AKR1C4: variants seen among roughly 807,000 people sequenced by gnomAD.
AKR1C4 encodes 3-alpha-HSD1.
Under a neutral mutation model 41.0 loss-of-function variants are expected in AKR1C4, and 44 were observed. The observed-to-expected ratio is 1.07, with a 90% confidence interval of 0.84 to 1.38. AKR1C4 has a LOEUF of 1.38. Ranked by LOEUF, AKR1C4 falls within the 40% of genes most tolerant of loss-of-function variation. The probability of loss-of-function intolerance (pLI) is 0.00; values close to 1 mark genes in which losing one functional copy is unlikely to be tolerated. For missense variants in AKR1C4, 438 were observed against 387.9 expected, an observed-to-expected ratio of 1.13 and a Z score of -1.09; for synonymous variants, 165 against 137.7, an observed-to-expected ratio of 1.20 and a Z score of -1.39.
chr10:5,218,907 A>G lies in AKR1C4; in HGVS notation c.*147A>G, dbSNP rs1225674634. The G allele has an allele frequency of 1.7e-6, 1 of 591,810 alleles. No homozygotes were observed. Among genetic ancestry groups the G allele is most frequent in the African/African-American group, 1.9e-5 (1 of 53,202 alleles). The allele number at this position is 591,810 out of a possible 1,614,324, so 36.7% of individuals were successfully genotyped here. A position where few individuals can be genotyped will look rare whatever the true frequency, so the allele number is the denominator to read the frequency against. On this transcript the variant is annotated 3_prime_UTR_variant, in exon 9 of 9. Coordinates refer to ENST00000263126, the MANE Select transcript of AKR1C4 (RefSeq NM_001818.5). ...CAACTTCAGCTAGCTAGATATATCC[A>G]TGGTCCAGAAAGCAAACATAATAAA... is the stretch of plus-strand genomic sequence containing the variant.
At chr10:5,207,532 G>T (rs1479989996) in intron 5 of AKR1C4, 13 of 528,276 alleles carry the variant, frequency 2.5e-5, no homozygotes, top group Non-Finnish European at 4.2e-5. Flanking sequence ...AGAAAATAAA[G>T]ATGTCCCTGT....
At chr10:5,197,902 G>A (rs1832335929) in intron 1 of AKR1C4, among the ~76,000 whole-genome samples, 1 of 152,186 alleles carries the variant, frequency 6.6e-6, no homozygotes, top group African/African-American at 2.4e-5. Flanking sequence ...TTGAGTGCCT[G>A]CACAGCAAAC....
chr10:5,206,700 G>A (rs782066517), intron 5 of AKR1C4, among the ~76,000 whole-genome samples: 1 of 123,084 alleles, frequency 8.1e-6, no homozygotes, highest in African/African-American at 3.7e-5. Flanking sequence ...TATCTCTAAG[G>A]TATGAAAGAC....
intron 5 of AKR1C4, among the ~76,000 whole-genome samples, chr10:5,210,265 T>C (rs1344510825): frequency 1.3e-5 from 2 of 152,222 alleles, no homozygotes; most frequent in Non-Finnish European, 2.9e-5. Flanking sequence ...AGGTGGTTCC[T>C]ATGTTCTTGG....
At chr10:5,205,474 A>G (rs573563352) in intron 3 of AKR1C4, among the ~76,000 whole-genome samples, 59 of 152,202 alleles carry the variant, frequency 3.9e-4, no homozygotes, top group Non-Finnish European at 8.4e-4. Flanking sequence ...TTTCCCCCAA[A>G]AAAATTATAG....
intron 5 of AKR1C4, 132 bp downstream of exon 5, chr10:5,206,529 G>A (rs1554797513): frequency 2.0e-6 from 3 of 1,472,420 alleles, no homozygotes; most frequent in African/African-American, 1.4e-5. Flanking sequence ...CATCTGTCTA[G>A]AAGAAAACGG....
rs1031633642 is a variant in AKR1C4, at chr10:5,216,610, A to G, written c.847-101A>G. 8.7e-5 allele frequency: 67 copies of G among 769,736 alleles called. No individual in the cohort carries two copies. In the African/African-American group the frequency reaches 1.1e-3, roughly 13 times the overall value. The allele number at this position is 769,736 out of a possible 1,614,324, so 47.7% of individuals were successfully genotyped here. On this transcript the variant is annotated intron_variant, in intron 7 of 8. Coordinates refer to ENST00000263126, the MANE Select transcript of AKR1C4 (RefSeq NM_001818.5). ...CATAACTTTTGGAAACTTATCAAGTATTTTACATATTGCCTCTACACCCTA... is the reference window on the plus strand; with the variant it reads ...CATAACTTTTGGAAACTTATCAAGTGTTTTACATATTGCCTCTACACCCTA...
chr10:5,218,196 C>T (rs1588345443), intron 8 of AKR1C4, among the ~76,000 whole-genome samples: 1 of 152,060 alleles, frequency 6.6e-6, no homozygotes, highest in African/African-American at 2.4e-5. Flanking sequence ...ATATGGAACC[C>T]CATATCACAT....
In AKR1C4 at chr10:5,204,423, A is replaced by G. The variant is rs1832452517; in HGVS notation, c.299A>G (p.Glu100Gly). 6.2e-7 allele frequency: 1 copy of G among 1,613,940 alleles called. No individual in the cohort carries two copies. Among genetic ancestry groups the G allele is most frequent in the Non-Finnish European group, 8.5e-7 (1 of 1,179,940 alleles). Reference protein sequence around the residue: ...FQPQMVQPALESSLKKLQLDY... With the variant: ...FQPQMVQPALGSSLKKLQLDY... Reference sequence around the variant, plus strand: ...CCACAGATGGTCCAACCAGCCTTGGAAAGCTCACTGAAAAAACTTCAACTG... The same window carrying G: ...CCACAGATGGTCCAACCAGCCTTGGGAAGCTCACTGAAAAAACTTCAACTG... Residue 100 changes from glutamate to glycine, a missense_variant, in exon 3 of 9, where the codon GAA becomes GGA. By Grantham distance (98) the Glu-to-Gly change is moderately conservative (BLOSUM62 -2). Transcript: ENST00000263126.
intron 2 of AKR1C4, among the ~76,000 whole-genome samples, chr10:5,201,228 G>A (rs79962902): frequency 1.0e-3 from 154 of 152,156 alleles, no homozygotes; most frequent in African/African-American, 3.2e-3. Flanking sequence ...CCTACCAGCC[G>A]TGTAAAAGTG....
intron 5 of AKR1C4, among the ~76,000 whole-genome samples, chr10:5,208,965 G>C (rs1407408948): frequency 2.1e-5 from 3 of 146,206 alleles, no homozygotes; most frequent in Non-Finnish European, 2.9e-5. Flanking sequence ...CCGTTAACTT[G>C]TTGTTCCAAG....
At chr10:5,216,907 G>A (rs1554798581) in intron 8 of AKR1C4, 114 bp downstream of exon 8, 2 of 683,346 alleles carry the variant, frequency 2.9e-6, no homozygotes, top group Non-Finnish European at 5.1e-6. Flanking sequence ...AGTGAGAGGT[G>A]AGACAGGAAC....
rs534091153 is a variant in AKR1C4 at position 5,218,619 on chromosome 10, C to T, written c.930-99C>T. 1.0e-4 allele frequency: 88 copies of T among 856,468 alleles called. 1 individual carries two copies. The South Asian group carries it at 1.4e-3, about 13-fold the overall frequency. The allele number at this position is 856,468 out of a possible 1,614,324, so 53.1% of individuals were successfully genotyped here. ...AATAGTCCGAAAATAAACTTCTTAACATTCACACTAATGGCAGCTTCATAT... is the reference window on the plus strand; with the variant it reads ...AATAGTCCGAAAATAAACTTCTTAATATTCACACTAATGGCAGCTTCATAT... On this transcript the variant is annotated intron_variant, in intron 8 of 8. Coordinates refer to ENST00000263126, the MANE Select transcript of AKR1C4 (RefSeq NM_001818.5).
intron 5 of AKR1C4, among the ~76,000 whole-genome samples, 166 bp downstream of exon 5, chr10:5,206,563 T>C (rs902382135): frequency 6.6e-6 from 1 of 152,204 alleles, no homozygotes; most frequent in Non-Finnish European, 1.5e-5. Context: ...GCACCTCTTC[T>C]TGGAGAAGTC....
At chr10:5,216,971 G>T (rs1554798587) in intron 8 of AKR1C4, among the ~76,000 whole-genome samples, 178 bp downstream of exon 8, 1 of 152,214 alleles carries the variant, frequency 6.6e-6, no homozygotes, top group Non-Finnish European at 1.5e-5. Flanking sequence ...CTGACAGGGT[G>T]AGTGGACCCA....
intron 7 of AKR1C4, among the ~76,000 whole-genome samples, chr10:5,214,882 T>C (rs1325789790): frequency 6.6e-6 from 1 of 152,230 alleles, no homozygotes; most frequent in Non-Finnish European, 1.5e-5. Context: ...TTAAATTCTT[T>C]CCAATTTGTA....
intron 1 of AKR1C4, 81 bp downstream of exon 1, chr10:5,197,032 T>C: frequency 7.2e-7 from 1 of 1,391,820 alleles, no homozygotes; most frequent in Non-Finnish European, 1.0e-6. Flanking sequence ...TGTTCAGCTT[T>C]GTGTTTCTGT....
chr10:5,197,829 G>A (rs1832334425), intron 1 of AKR1C4, among the ~76,000 whole-genome samples: 1 of 152,174 alleles, frequency 6.6e-6, no homozygotes, highest in African/African-American at 2.4e-5. Flanking sequence ...ACTTTGTAAT[G>A]CAAATTGGCA....
chr10:5,202,939 TTGTGTGTGTGTGTGTGTGTGTGTGTG>T (rs57414547), intron 2 of AKR1C4, among the ~76,000 whole-genome samples: 1 of 139,190 alleles, frequency 7.2e-6, no homozygotes, highest in African/African-American at 2.8e-5. Flanking sequence ...TAGTTTTCTT[TTGTGTGTGTGTGTGTGTGTGTGTGTG>T]TGTGTGTGTG....
Sources: gnomAD v4.1 joint callset for allele counts (sites outside exome capture counted in the v4.1 genomes callset) on GRCh38, gnomAD v4.1.1 for gene constraint, MANE v1.5 for transcripts, NCBI Gene and HGNC (gene_info 2026-07-23, HGNC 2026-07-21) for gene names.